Variants in ZNF385D observed in about 807,000 individuals in gnomAD.
ZNF385D encodes the protein zinc finger protein 385D, also known as zinc finger protein 659.
In ZNF385D, 15 loss-of-function variants were observed where a neutral mutation model predicts 35.8. The observed-to-expected ratio is 0.42, with a 90% CI of 0.28 to 0.64. ZNF385D has a LOEUF of 0.64. ZNF385D is among the 30% of genes least tolerant of loss of function. The pLI is 0.23. For missense variants in ZNF385D, 474 were observed against 494.6 expected (o/e 0.96, Z 0.39); for synonymous variants, 212 against 186.8 (o/e 1.13, Z -1.10).
intron 4 of ZNF385D, among the ~76,000 whole-genome samples, chr3:21,490,360 C>CAA (rs541247207): frequency 6.6e-6 from 1 of 151,184 alleles, no homozygotes; most frequent in African/African-American, 2.4e-5. Flanking sequence ...TATTCCAATC[C>CAA]AAAAAAAAAT....
At chr3:21,978,240 G>C (rs1383347771) in intron 3 of ZNF385D, 1 of 152,104 alleles carries the variant, frequency 6.6e-6, no homozygotes, top group Non-Finnish European at 1.5e-5. Flanking sequence ...AGCAGTGTCT[G>C]TTTCTTACTT....
chr3:21,804,285 A>G (rs967112917), intron 3 of ZNF385D, among the ~76,000 whole-genome samples: 1 of 152,184 alleles, frequency 6.6e-6, no homozygotes, highest in Non-Finnish European at 1.5e-5. Flanking sequence ...TTGTTTTCTT[A>G]TATGATAAAA....
intron 3 of ZNF385D, among the ~76,000 whole-genome samples, chr3:21,950,034 T>C (rs900236648): frequency 6.6e-6 from 1 of 152,202 alleles, no homozygotes; most frequent in Non-Finnish European, 1.5e-5. Context: ...CACATGTCTT[T>C]ATAGTAGAAT....
At chr3:21,811,935 A>G (rs1416969018) in intron 3 of ZNF385D, among the ~76,000 whole-genome samples, 2 of 152,216 alleles carry the variant, frequency 1.3e-5, no homozygotes, top group African/African-American at 4.8e-5. Flanking sequence ...ACAAATAGAG[A>G]CAACAGACAT....
chr3:22,189,541 C>A (rs1695876213), intron 2 of ZNF385D, among the ~76,000 whole-genome samples: 1 of 151,900 alleles, frequency 6.6e-6, no homozygotes, highest in Non-Finnish European at 1.5e-5. Flanking sequence ...AATAAGGGAA[C>A]CCGAAAGAGA....
intron 4 of ZNF385D, among the ~76,000 whole-genome samples, chr3:21,475,185 G>T (rs1704153951): frequency 6.6e-6 from 1 of 151,844 alleles, no homozygotes; most frequent in African/African-American, 2.4e-5. Context: ...GTGTATTAGG[G>T]TGTCATAAAA....
chr3:22,165,531 C>T (rs76678718), intron 3 of ZNF385D, among the ~76,000 whole-genome samples: 135 of 152,264 alleles, frequency 8.9e-4, no homozygotes, highest in African/African-American at 3.1e-3. Flanking sequence ...CTTACAAATA[C>T]CTACTGATGG....
chr3:22,216,102 T>A (rs1316647363), intron 2 of ZNF385D, among the ~76,000 whole-genome samples: 1 of 152,040 alleles, frequency 6.6e-6, no homozygotes, highest in Non-Finnish European at 1.5e-5. Context: ...TCTGACTCAC[T>A]TGTCTCTGTT....
chr3:21,711,599 C>G (rs931153783), intron 1 of ZNF385D, among the ~76,000 whole-genome samples: 1 of 152,180 alleles, frequency 6.6e-6, no homozygotes, highest in Non-Finnish European at 1.5e-5. Flanking sequence ...ATAGAGAAAA[C>G]AGACAGAAAT....
At chr3:21,737,065 G>A (rs112042979) in intron 1 of ZNF385D, among the ~76,000 whole-genome samples, 39,488 of 151,900 alleles carry the variant, frequency 0.26, 6,110 homozygotes, top group South Asian at 0.39. Context: ...TCAGCCTCCC[G>A]AGTAACTGGG....
intron 3 of ZNF385D, among the ~76,000 whole-genome samples, chr3:22,131,869 A>C (rs2201140): frequency 0.27 from 40,482 of 152,056 alleles, 6,148 homozygotes; most frequent in East Asian, 0.41. Flanking sequence ...TAAGTCAGGG[A>C]AACATAATAT....
At chr3:21,614,918 G>A (rs889845065) in intron 2 of ZNF385D, among the ~76,000 whole-genome samples, 4 of 152,132 alleles carry the variant, frequency 2.6e-5, no homozygotes, top group Non-Finnish European at 5.9e-5. Context: ...GTGCAGATAG[G>A]TTATTTTAGC....
At chr3:21,568,126 T>A (rs201584985) in intron 2 of ZNF385D, among the ~76,000 whole-genome samples, 1 of 152,162 alleles carries the variant, frequency 6.6e-6, no homozygotes, top group African/African-American at 2.4e-5. Context: ...TCAAAAGTAA[T>A]TATCTTTTAT....
intron 3 of ZNF385D, among the ~76,000 whole-genome samples, chr3:21,774,400 C>T (rs1488707172): frequency 1.3e-5 from 2 of 151,848 alleles, no homozygotes; most frequent in Admixed American, 6.6e-5. Context: ...AACAAACATG[C>T]ACATCCTACA....
At chr3:21,920,368 G>T (rs1700394349) in intron 3 of ZNF385D, among the ~76,000 whole-genome samples, 1 of 152,128 alleles carries the variant, frequency 6.6e-6, no homozygotes, top group African/African-American at 2.4e-5. Flanking sequence ...TAACTCCAGG[G>T]ATTTGGGGTC....
At chr3:22,197,942 G>T (rs149949937) in intron 2 of ZNF385D, among the ~76,000 whole-genome samples, 2 of 152,072 alleles carry the variant, frequency 1.3e-5, no homozygotes, top group African/African-American at 4.8e-5. Context: ...GCTGTGTGGA[G>T]GGAAGACTGG....
intron 2 of ZNF385D, among the ~76,000 whole-genome samples, chr3:22,195,043 A>G (rs1037458161): frequency 6.6e-6 from 1 of 151,854 alleles, no homozygotes; most frequent in Non-Finnish European, 1.5e-5. Context: ...AGAAACTGCA[A>G]ATTATTTTCC....
At chr3:21,825,511 C>T (rs1575726854) in intron 3 of ZNF385D, among the ~76,000 whole-genome samples, 1 of 151,998 alleles carries the variant, frequency 6.6e-6, no homozygotes, top group South Asian at 2.1e-4. Flanking sequence ...TAGGTGGTTC[C>T]GGGGTTCTTT....
chr3:22,283,136 C>T lies in ZNF385D; in HGVS notation c.106+89314G>A, dbSNP rs911566322. Among the ~76,000 whole-genome samples the T allele has an allele frequency of 3.9e-5, 6 of 152,142 alleles. No individual in the cohort carries two copies. The East Asian group carries it at 1.2e-3, about 29-fold the overall frequency. ...GGACTAGTCCAATAGTAAAATATCA[C>T]AATCCTAAATATATATGCACATAAC... On this transcript the variant is annotated intron_variant, in intron 2 of 5. Transcript: ENST00000494108.
Sources: allele counts gnomAD v4.1 joint callset (sites outside exome capture counted in the v4.1 genomes callset), GRCh38; gene constraint gnomAD v4.1.1; transcripts MANE v1.5; gene names NCBI Gene and HGNC (gene_info 2026-07-23, HGNC 2026-07-21).